The following WWC2 variants were observed in gnomAD, a reference collection of about 807,000 sequenced individuals.
WWC2 encodes the protein WW and C2 domain containing 2, also known as protein WWC2.
Under a neutral mutation model 138.5 loss-of-function variants are expected in WWC2, and 101 were observed. The ratio of observed to expected loss-of-function variants is 0.73; its 90% confidence interval spans 0.62 to 0.86. WWC2 has a LOEUF of 0.86. Ranked by LOEUF, WWC2 falls within the 40% of genes least tolerant of loss-of-function variation. The pLI, the probability that WWC2 is intolerant of heterozygous loss-of-function variation, is 0.00. For synonymous variants in WWC2, 558 were observed against 538.4 expected (o/e 1.04, Z -0.50); for missense variants, 1,420 against 1,419.4 (o/e 1.00, Z -0.01).
chr4:183,117,672 G>A (rs1732458090), intron 1 of WWC2, among the ~76,000 whole-genome samples: 1 of 146,048 alleles, frequency 6.8e-6, no homozygotes, highest in Non-Finnish European at 1.5e-5. Flanking sequence ...ATCTCCCTGT[G>A]TTGCCCAGGC....
At chr4:183,208,883 A>G in intron 3 of WWC2, 66 bp from the exon 4 acceptor site, 1 of 1,127,900 alleles carries the variant, frequency 8.9e-7, no homozygotes. Context: ...AGCTTCAGTA[A>G]ATTCTAAGCT....
At chr4:183,182,699 T>G (rs1244741435) in intron 1 of WWC2, among the ~76,000 whole-genome samples, 1 of 152,220 alleles carries the variant, frequency 6.6e-6, no homozygotes, top group African/African-American at 2.4e-5. Context: ...TTCATTATGA[T>G]ACAGAATGTA....
chr4:183,284,168 A>G (rs1738167768), intron 18 of WWC2, 58 bp from the exon 19 acceptor site: 8 of 1,587,112 alleles, frequency 5.0e-6, no homozygotes, highest in Non-Finnish European at 6.9e-6. Flanking sequence ...CTTAGAAGAA[A>G]GGAGCATAAT....
rs937847004 is a variant in WWC2 at position 183,207,206 on chromosome 4, A to G, written c.242-747A>G. ...GTTGGTCTGGGTTTTTTTTTTTTAAAAGGGTCTCTGGTTGATTGTAGTTTG... is the reference window on the plus strand; with the variant it reads ...GTTGGTCTGGGTTTTTTTTTTTTAAGAGGGTCTCTGGTTGATTGTAGTTTG... On this transcript the variant is annotated intron_variant, in intron 2 of 22. Transcript: ENST00000403733. Among the ~76,000 whole-genome samples the G allele has an allele frequency of 9.9e-5, 15 of 151,920 alleles. No homozygotes were observed. The South Asian group carries it at 1.9e-3, about 19-fold the overall frequency.
At chr4:183,114,036 C>G (rs886273509) in intron 1 of WWC2, among the ~76,000 whole-genome samples, 21 of 152,010 alleles carry the variant, frequency 1.4e-4, no homozygotes, top group Non-Finnish European at 1.5e-5. Flanking sequence ...AGTTCTGTTT[C>G]CGATGTATAG....
intron 22 of WWC2, among the ~76,000 whole-genome samples, chr4:183,313,763 G>A (rs1265573427): frequency 1.3e-5 from 2 of 151,138 alleles, no homozygotes; most frequent in East Asian, 1.9e-4. Context: ...AAGAATGGCT[G>A]GAGAGGTCAG....
At chr4:183,126,001 TGCATGTAGATGCAAGGTCA>T (rs1486657266) in intron 1 of WWC2, among the ~76,000 whole-genome samples, 1 of 152,232 alleles carries the variant, frequency 6.6e-6, no homozygotes, top group African/African-American at 2.4e-5. Context: ...TGCTCTGCCA[TGCATGTAGATGCAAGGTCA>T]GCATGGCATA....
At chr4:183,239,039 G>T (rs1361645390) in intron 4 of WWC2, among the ~76,000 whole-genome samples, 3 of 152,164 alleles carry the variant, frequency 2.0e-5, no homozygotes, top group Admixed American at 2.0e-4. Context: ...CTCTGGCTGG[G>T]CATGGTGGCT....
At chr4:183,226,795 G>A (rs1328792622) in intron 4 of WWC2, among the ~76,000 whole-genome samples, 3 of 152,042 alleles carry the variant, frequency 2.0e-5, no homozygotes, top group Admixed American at 6.5e-5. Context: ...CACACTGTAT[G>A]TCTCCTTCTA....
At chr4:183,193,097 TA>T (rs1202245563) in intron 1 of WWC2, among the ~76,000 whole-genome samples, 5 of 152,212 alleles carry the variant, frequency 3.3e-5, no homozygotes, top group East Asian at 1.9e-4. Context: ...AAGATACTTA[TA>T]AAAAAAATTT....
intron 1 of WWC2, among the ~76,000 whole-genome samples, chr4:183,104,913 T>G: frequency 6.6e-6 from 1 of 152,252 alleles, no homozygotes; most frequent in East Asian, 1.9e-4. Context: ...AATATTTTAT[T>G]TATTTATTTT....
intron 1 of WWC2, among the ~76,000 whole-genome samples, chr4:183,144,023 T>G (rs1011725588): frequency 3.3e-5 from 5 of 152,208 alleles, no homozygotes; most frequent in African/African-American, 7.2e-5. Context: ...GAAATTAAGA[T>G]AACAGATACA....
chr4:183,289,493 G>C lies in WWC2; in HGVS notation c.3242G>C (p.Ser1081Thr). Residue 1081 changes from serine to threonine, a missense_variant, in exon 21 of 23, where the codon AGC (serine) becomes ACC (threonine). Physicochemically the swap from Ser to Thr is moderately conservative, Grantham distance 58. Transcript: ENST00000403733. ...LDLQASLTRQSRLNDELQALR... is the reference protein window; with the variant it reads ...LDLQASLTRQTRLNDELQALR... ...CTTCAGGCATCTCTGACCCGGCAGA[G>C]CCGCCTCAATGATGAGCTGCAGGCG... 1.9e-6 allele frequency: 3 copies of C among 1,613,810 alleles called. No individual in the cohort carries two copies. Among genetic ancestry groups the C allele is most frequent in the Non-Finnish European group, 2.5e-6 (3 of 1,179,800 alleles).
chr4:183,269,663 C>T (rs1737635582), intron 15 of WWC2: 17 of 363,006 alleles, frequency 4.7e-5, no homozygotes, highest in South Asian at 3.6e-4. Flanking sequence ...AAAAAGATAT[C>T]CCCACATAAT....
chr4:183,128,551 A>T (rs1341614575), intron 1 of WWC2, among the ~76,000 whole-genome samples: 1 of 152,174 alleles, frequency 6.6e-6, no homozygotes, highest in African/African-American at 2.4e-5. Context: ...GGCTCTTCCT[A>T]TAAGACAACC....
intron 1 of WWC2, among the ~76,000 whole-genome samples, chr4:183,180,403 T>C (rs1734593807): frequency 6.6e-6 from 1 of 152,200 alleles, no homozygotes; most frequent in African/African-American, 2.4e-5. Context: ...TCTTCTTAGA[T>C]GTTTAGTATT....
intron 2 of WWC2, among the ~76,000 whole-genome samples, chr4:183,206,108 A>G (rs759340675): frequency 6.6e-6 from 1 of 152,028 alleles, no homozygotes; most frequent in Non-Finnish European, 1.5e-5. Flanking sequence ...ACTGCTGTCC[A>G]AAAAGTGCTT....
At chr4:183,186,335 C>T (rs528742252) in intron 1 of WWC2, among the ~76,000 whole-genome samples, 1 of 152,222 alleles carries the variant, frequency 6.6e-6, no homozygotes, top group South Asian at 2.1e-4. Flanking sequence ...TTTTCAAAGG[C>T]AAATCACCCA....
chr4:183,109,784 C>G (rs2152887320), intron 1 of WWC2, among the ~76,000 whole-genome samples: 1 of 152,214 alleles, frequency 6.6e-6, no homozygotes, highest in East Asian at 1.9e-4. Flanking sequence ...ACTCTAGGTA[C>G]TGTGTGGGAC....
Sources: allele counts gnomAD v4.1 joint callset (sites outside exome capture counted in the v4.1 genomes callset), GRCh38; gene constraint gnomAD v4.1.1; transcripts MANE v1.5; gene names NCBI Gene and HGNC (gene_info 2026-07-23, HGNC 2026-07-21).